MACROD2: variants seen among roughly 807,000 people sequenced by gnomAD.
MACROD2 encodes mono-ADP ribosylhydrolase 2.
A neutral mutation model predicts 70.4 loss-of-function variants in MACROD2; 36 were observed. The observed-to-expected ratio is 0.51, with a 90% CI of 0.39 to 0.68. The LOEUF is 0.68. Ranked by LOEUF, MACROD2 falls within the 30% of genes least tolerant of loss-of-function variation. The probability of loss-of-function intolerance (pLI) is 0.00; values close to 1 mark genes in which losing one functional copy is unlikely to be tolerated. For synonymous variants in MACROD2, 172 were observed against 178.8 expected (o/e 0.96, Z 0.30); for missense variants, 496 against 538.4 (o/e 0.92, Z 0.78).
chr20:14,532,907 T>C (rs960266310), intron 4 of MACROD2, among the ~76,000 whole-genome samples: 1 of 152,166 alleles, frequency 6.6e-6, no homozygotes, highest in Non-Finnish European at 1.5e-5. Flanking sequence ...TGTCTTGCTA[T>C]TTTTTCAGCC....
At chr20:15,215,252 TTGTG>T (rs376439581) in intron 5 of MACROD2, among the ~76,000 whole-genome samples, 6,316 of 135,476 alleles carry the variant, frequency 0.047, 147 homozygotes, top group South Asian at 0.066. Context: ...CTCCTGTATT[TTGTG>T]TGTGTGTGTG....
At chr20:15,802,864 A>G (rs1246120524) in intron 8 of MACROD2, among the ~76,000 whole-genome samples, 2 of 152,138 alleles carry the variant, frequency 1.3e-5, no homozygotes, top group African/African-American at 4.8e-5. Context: ...AAATACAAAG[A>G]ATCATTAGAA....
intron 15 of MACROD2, among the ~76,000 whole-genome samples, chr20:15,992,141 C>T (rs1327006378): frequency 4.6e-5 from 7 of 152,104 alleles, no homozygotes; most frequent in Admixed American, 4.6e-4. Context: ...AGCATATATG[C>T]ATGTGTATAT....
intron 5 of MACROD2, among the ~76,000 whole-genome samples, chr20:14,778,657 T>G (rs1363903913): frequency 1.3e-5 from 2 of 152,086 alleles, no homozygotes; most frequent in Non-Finnish European, 1.5e-5. Flanking sequence ...AGCCATCAAA[T>G]TATATTGCTT....
At chr20:14,237,813 C>T (rs867711869) in intron 3 of MACROD2, among the ~76,000 whole-genome samples, 12 of 150,906 alleles carry the variant, frequency 8.0e-5, no homozygotes, top group Admixed American at 2.7e-4. Flanking sequence ...TTTGTCCTTG[C>T]GATAATTTGC....
chr20:15,003,562 G>A (rs1264450264), intron 5 of MACROD2, among the ~76,000 whole-genome samples: 1 of 152,132 alleles, frequency 6.6e-6, no homozygotes, highest in Non-Finnish European at 1.5e-5. Flanking sequence ...TTATATCATT[G>A]AGAAAAATTA....
chr20:15,271,688 G>A (rs1827902600), intron 6 of MACROD2, among the ~76,000 whole-genome samples: 1 of 152,200 alleles, frequency 6.6e-6, no homozygotes, highest in Admixed American at 6.5e-5. Flanking sequence ...TGAAAGGTAG[G>A]TGAACCCTAC....
At chr20:16,044,292 G>A (rs1466107499) in intron 16 of MACROD2, among the ~76,000 whole-genome samples, 3 of 151,930 alleles carry the variant, frequency 2.0e-5, no homozygotes, top group African/African-American at 7.3e-5. Context: ...ATTCATGAAG[G>A]ATACATCCCT....
chr20:14,869,116 C>T (rs1243004512), intron 5 of MACROD2, among the ~76,000 whole-genome samples: 2 of 152,120 alleles, frequency 1.3e-5, no homozygotes, highest in South Asian at 2.1e-4. Flanking sequence ...GTCACATACC[C>T]GTGAAGCCAG....
At chr20:15,545,807 A>G (rs1226816067) in intron 8 of MACROD2, among the ~76,000 whole-genome samples, 1 of 152,112 alleles carries the variant, frequency 6.6e-6, no homozygotes, top group African/African-American at 2.4e-5. Context: ...AATCAAGCCT[A>G]TGGCAAAAGA....
At chr20:14,242,965 A>G (rs1464435549) in intron 3 of MACROD2, among the ~76,000 whole-genome samples, 2 of 152,174 alleles carry the variant, frequency 1.3e-5, no homozygotes, top group Non-Finnish European at 2.9e-5. Context: ...GTTTTCACTA[A>G]TTACTTTCAC....
chr20:15,495,429 A>G (rs1395905674), intron 7 of MACROD2, among the ~76,000 whole-genome samples: 1 of 152,214 alleles, frequency 6.6e-6, no homozygotes, highest in Non-Finnish European at 1.5e-5. Flanking sequence ...ATGAGGAACT[A>G]GATTTTCACA....
At chr20:14,153,404 C>T (rs2148712622) in intron 3 of MACROD2, among the ~76,000 whole-genome samples, 1 of 152,260 alleles carries the variant, frequency 6.6e-6, no homozygotes, top group South Asian at 2.1e-4. Flanking sequence ...AAAGAGAAGT[C>T]CATCTGGGAA....
chr20:14,806,588 T>G (rs1249006103), intron 5 of MACROD2, among the ~76,000 whole-genome samples: 3 of 152,108 alleles, frequency 2.0e-5, no homozygotes, highest in Non-Finnish European at 2.9e-5. Context: ...CCAGTGAGAC[T>G]GAACCATTCA....
At chr20:14,025,307 A>C (rs188261766) in intron 2 of MACROD2, among the ~76,000 whole-genome samples, 1 of 152,100 alleles carries the variant, frequency 6.6e-6, no homozygotes, top group Non-Finnish European at 1.5e-5. Context: ...TTAGTCTTCA[A>C]AACACCAGCT....
chr20:14,046,574 T>C, intron 2 of MACROD2, among the ~76,000 whole-genome samples: 1 of 152,114 alleles, frequency 6.6e-6, no homozygotes, highest in Non-Finnish European at 1.5e-5. Flanking sequence ...TGTTTATTGA[T>C]CTCTTTTGAC....
intron 6 of MACROD2, among the ~76,000 whole-genome samples, chr20:15,282,223 T>A (rs2146090027): frequency 6.6e-6 from 1 of 152,344 alleles, no homozygotes. Flanking sequence ...ACCTCTGACA[T>A]GTTCTGGAGA....
At chr20:14,679,383 G>A (rs1486524385) in intron 4 of MACROD2, among the ~76,000 whole-genome samples, 1 of 152,166 alleles carries the variant, frequency 6.6e-6, no homozygotes, top group Admixed American at 6.6e-5. Flanking sequence ...GAACAGCAAG[G>A]TCATGGGTGT....
At chr20:14,017,478 C>T (rs1281232320) in intron 2 of MACROD2, among the ~76,000 whole-genome samples, 2 of 151,990 alleles carry the variant, frequency 1.3e-5, no homozygotes, top group African/African-American at 4.8e-5. Context: ...TCATATGTCT[C>T]CATTATGTTC....
Sources: allele counts gnomAD v4.1 joint callset (sites outside exome capture counted in the v4.1 genomes callset), GRCh38; gene constraint gnomAD v4.1.1; transcripts MANE v1.5; gene names NCBI Gene and HGNC (gene_info 2026-07-23, HGNC 2026-07-21).